The following GRID2 variants were observed in gnomAD, a reference collection of about 807,000 sequenced individuals.
The protein encoded by GRID2 is glutamate receptor ionotropic, delta-2.
A neutral mutation model predicts 114.8 loss-of-function variants in GRID2; 33 were observed. That is an observed-to-expected ratio of 0.29 (90% CI 0.22 to 0.38). The LOEUF (loss-of-function observed/expected upper bound fraction) is 0.38. GRID2 is among the 10% of genes least tolerant of loss of function. GRID2 has a pLI of 1.00. For synonymous variants in GRID2, 505 were observed against 449.9 expected (o/e 1.12, Z -1.55); for missense variants, 1,184 against 1,257.7 (o/e 0.94, Z 0.89).
chr4:93,060,897 G>C lies in GRID2; in HGVS notation c.245-24098G>C, dbSNP rs1039197224. On this transcript the variant is annotated intron_variant, in intron 2 of 15. Transcript: ENST00000282020. ...GCAGGTGGATCACCTGAGGTCAGGA[G>C]TTCGAGACCAGACTGGCCAAAATGG... is the stretch of plus-strand genomic sequence containing the variant. Among the ~76,000 whole-genome samples the C allele has an allele frequency of 3.9e-5, 6 of 152,058 alleles. No homozygotes were observed. The East Asian group carries it at 1.2e-3, about 30-fold the overall frequency.
intron 2 of GRID2, among the ~76,000 whole-genome samples, chr4:92,848,350 GCCTTGCTT>G (rs1743495850): frequency 6.6e-6 from 1 of 151,192 alleles, no homozygotes; most frequent in South Asian, 2.1e-4. Flanking sequence ...TTCCCTTCCT[GCCTTGCTT>G]CCTCTACACA....
At chr4:93,775,463 A>C (rs975213548), downstream of GRID2, among the ~76,000 whole-genome samples, 2 of 152,142 alleles carry the variant, frequency 1.3e-5, no homozygotes. Context: ...CTTGTTTGGG[A>C]CACATAGATC....
At chr4:93,438,936 G>C (rs1721366211) in intron 10 of GRID2, among the ~76,000 whole-genome samples, 1 of 151,044 alleles carries the variant, frequency 6.6e-6, no homozygotes, top group African/African-American at 2.4e-5. Context: ...TGCGGTGTTT[G>C]GTTTTTTGTC....
chr4:92,887,345 T>C (rs1453714446), intron 2 of GRID2, among the ~76,000 whole-genome samples: 3 of 152,182 alleles, frequency 2.0e-5, no homozygotes, highest in Non-Finnish European at 2.9e-5. Flanking sequence ...CATTAGAAAT[T>C]TGCATATCTT....
chr4:92,461,334 T>G (rs547525019), intron 1 of GRID2, among the ~76,000 whole-genome samples: 42 of 152,034 alleles, frequency 2.8e-4, no homozygotes, highest in African/African-American at 9.9e-4. Context: ...TTGCTCAACA[T>G]CATTTTCTTA....
chr4:92,687,552 G>A (rs185903576), intron 2 of GRID2, among the ~76,000 whole-genome samples: 6 of 152,188 alleles, frequency 3.9e-5, no homozygotes, highest in South Asian at 2.1e-4. Context: ...TATTGGGGCC[G>A]GGCATGGTGG....
At chr4:93,810,302 G>T (rs1440877063), downstream of GRID2, 1 of 152,102 alleles carries the variant, frequency 6.6e-6, no homozygotes, top group African/African-American at 2.4e-5. Flanking sequence ...TATCTTGGTT[G>T]ATATAATTTT....
At chr4:92,358,465 C>T (rs1579234211) in intron 1 of GRID2, among the ~76,000 whole-genome samples, 2 of 151,896 alleles carry the variant, frequency 1.3e-5, no homozygotes, top group African/African-American at 2.4e-5. Context: ...AACACAGAAA[C>T]ACTTGGGGAA....
intron 2 of GRID2, among the ~76,000 whole-genome samples, chr4:92,990,303 A>ATATATATATATATATG (rs1553962937): frequency 7.3e-6 from 1 of 137,292 alleles, no homozygotes; most frequent in Non-Finnish European, 1.6e-5. Flanking sequence ...ATATATATAT[A>ATATATATATATATATG]TATGTGTGTG....
chr4:92,460,398 TCTTTA>T lies in GRID2; in HGVS notation c.89-129729_89-129725del, dbSNP rs1360240732. On this transcript the variant is annotated intron_variant, in intron 1 of 15. Coordinates refer to ENST00000282020, the MANE Select transcript of GRID2 (RefSeq NM_001510.4). ...TTCTTCAGAAAGATTATCCAGCCTCTCTTTACTTCTCCCTTCCGAAATTTCATGTA... is the reference window on the plus strand; with the variant it reads ...TTCTTCAGAAAGATTATCCAGCCTCTCTTCTCCCTTCCGAAATTTCATGTA... 3.9e-5 allele frequency among the ~76,000 whole-genome samples: 6 copies of T among 152,002 alleles called. No homozygotes were observed. In the South Asian group the frequency reaches 1.0e-3, roughly 26 times the overall value.
chr4:93,038,489 T>C (rs1725143225), intron 2 of GRID2, among the ~76,000 whole-genome samples: 1 of 152,088 alleles, frequency 6.6e-6, no homozygotes, highest in South Asian at 2.1e-4. Flanking sequence ...GAATGGCGAT[T>C]ATTAAAAAGT....
chr4:93,184,646 G>T (rs188393320), intron 4 of GRID2, among the ~76,000 whole-genome samples: 86 of 152,208 alleles, frequency 5.7e-4, no homozygotes, highest in Admixed American at 1.5e-3. Flanking sequence ...CACTTTGGGA[G>T]TCCAAGGTGG....
intron 2 of GRID2, among the ~76,000 whole-genome samples, chr4:93,078,519 A>G (rs2149314464): frequency 6.6e-6 from 1 of 151,234 alleles, no homozygotes; most frequent in East Asian, 1.9e-4. Context: ...ATGCACATAT[A>G]TATGTGTTCT....
chr4:92,567,643 A>C (rs1727400578), intron 1 of GRID2, among the ~76,000 whole-genome samples: 1 of 152,074 alleles, frequency 6.6e-6, no homozygotes, highest in Admixed American at 6.6e-5. Flanking sequence ...TACAAGGTGA[A>C]GTCAAAGGCA....
chr4:92,760,139 T>G (rs1053417443), intron 2 of GRID2, among the ~76,000 whole-genome samples: 19 of 141,008 alleles, frequency 1.3e-4, no homozygotes, highest in African/African-American at 1.6e-4. Context: ...ACTCAGGAGG[T>G]GAGGCAGGAG....
At chr4:93,087,203 G>GTT (rs113663095) in intron 3 of GRID2, among the ~76,000 whole-genome samples, 100 of 146,042 alleles carry the variant, frequency 6.8e-4, no homozygotes, top group Middle Eastern at 7.4e-3. Flanking sequence ...CCTAGCTATT[G>GTT]TTTTTTTTTT....
At chr4:92,566,963 G>A (rs1174358286) in intron 1 of GRID2, among the ~76,000 whole-genome samples, 2 of 151,930 alleles carry the variant, frequency 1.3e-5, no homozygotes, top group Admixed American at 1.3e-4. Flanking sequence ...GTTTCACTGT[G>A]ATTAACATTG....
chr4:92,871,685 A>C (rs2149446834), intron 2 of GRID2, among the ~76,000 whole-genome samples: 1 of 152,192 alleles, frequency 6.6e-6, no homozygotes, highest in African/African-American at 2.4e-5. Context: ...CAAATATTAG[A>C]ATTTTTTTTA....
rs1734235187 is a variant in GRID2 at position 93,773,217 on chromosome 4, A to G, written c.*719A>G. 2.0e-5 allele frequency: 3 copies of G among 152,170 alleles called. No homozygotes were observed. The highest frequency in any genetic ancestry group is 4.8e-5 in the African/African-American group (2 of 41,460). The allele number at this position is 152,170 out of a possible 1,614,324, so 9.4% of individuals were successfully genotyped here. A position where few individuals can be genotyped will look rare whatever the true frequency, so the allele number is the denominator to read the frequency against. ...CCTCTATTGTGTTAAATAAATTAGT[A>G]TTTCATATATATACATATATATGCA... On this transcript the variant is annotated 3_prime_UTR_variant, in exon 16 of 16. Transcript: ENST00000282020.
Sources: allele counts gnomAD v4.1 joint callset (sites outside exome capture counted in the v4.1 genomes callset), GRCh38; gene constraint gnomAD v4.1.1; transcripts MANE v1.5; gene names NCBI Gene and HGNC (gene_info 2026-07-23, HGNC 2026-07-21).